The following ZNF280D variants were observed in gnomAD, a reference collection of about 807,000 sequenced individuals.
ZNF280D encodes the protein suppressor of hairy wing homolog 4.
In ZNF280D, 39 loss-of-function variants were observed where a neutral mutation model predicts 94.7. The ratio of observed to expected loss-of-function variants is 0.41; its 90% CI spans 0.32 to 0.54. The LOEUF is 0.54. Among genes scored for constraint, ZNF280D ranks in the 20% least tolerant of loss-of-function variants. The probability of loss-of-function intolerance (pLI) is 0.22; values close to 1 mark genes in which losing one functional copy is unlikely to be tolerated. For missense variants in ZNF280D, 1,090 were observed against 1,149.3 expected (o/e 0.95, Z 0.75); for synonymous variants, 398 against 377.6 (o/e 1.05, Z -0.63).
chr15:56,633,483 T>G (rs989470629), intron 21 of ZNF280D, among the ~76,000 whole-genome samples: 2 of 151,908 alleles, frequency 1.3e-5, no homozygotes, highest in African/African-American at 4.8e-5. Flanking sequence ...AAAAATCTAA[T>G]ATCTTTTTAT....
chr15:56,710,564 T>G (rs1390099736), intron 1 of ZNF280D, among the ~76,000 whole-genome samples: 1 of 152,220 alleles, frequency 6.6e-6, no homozygotes, highest in Admixed American at 6.5e-5. Context: ...ATTCCATTCA[T>G]TTATGGATAC....
chr15:56,638,034 T>C (rs1292395287), intron 20 of ZNF280D, among the ~76,000 whole-genome samples: 6 of 152,168 alleles, frequency 3.9e-5, no homozygotes, highest in Non-Finnish European at 8.8e-5. Flanking sequence ...TTTTAAAGAA[T>C]GACTGTCAAA....
intron 20 of ZNF280D, among the ~76,000 whole-genome samples, chr15:56,638,688 G>T (rs1339376753): frequency 6.6e-6 from 1 of 152,088 alleles, no homozygotes; most frequent in African/African-American, 2.4e-5. Context: ...GAAAAAAAAT[G>T]TGATTTATGT....
intron 20 of ZNF280D, among the ~76,000 whole-genome samples, chr15:56,642,735 A>C (rs1872311620): frequency 2.0e-5 from 3 of 151,786 alleles, no homozygotes; most frequent in Non-Finnish European, 4.4e-5. Flanking sequence ...GTGAAATATA[A>C]GATGTCTTTG....
Position 56,705,395 on chromosome 15 carries a change from C to T in ZNF280D, c.29-1128G>A, listed in dbSNP as rs560875688. On this transcript the variant is annotated intron_variant, in intron 3 of 21. Coordinates refer to ENST00000267807, the MANE Select transcript of ZNF280D (RefSeq NM_017661.4). Reference sequence around the variant, plus strand: ...AGAATATCTTTCCTTCTCAGTTTTACAATCTATGTCACTCCAGTCTGGAGC... The same window carrying T: ...AGAATATCTTTCCTTCTCAGTTTTATAATCTATGTCACTCCAGTCTGGAGC... Among the ~76,000 whole-genome samples the T allele has an allele frequency of 1.8e-4, 28 of 152,262 alleles. No homozygotes were observed. In the South Asian group the frequency reaches 5.6e-3, roughly 30 times the overall value.
At chr15:56,698,700 T>A (rs188208244) in intron 6 of ZNF280D, 3 of 152,206 alleles carry the variant, frequency 2.0e-5, no homozygotes, top group African/African-American at 7.2e-5. Flanking sequence ...TACGTGATTA[T>A]GTTACCTAAG....
intron 16 of ZNF280D, among the ~76,000 whole-genome samples, chr15:56,663,578 C>T (rs2054098641): frequency 6.6e-6 from 1 of 152,108 alleles, no homozygotes; most frequent in African/African-American, 2.4e-5. Flanking sequence ...AAGGGTACCA[C>T]TGAGGTTGAG....
chr15:56,681,518 AT>A (rs1255303283), intron 10 of ZNF280D, among the ~76,000 whole-genome samples: 27 of 152,252 alleles, frequency 1.8e-4, no homozygotes, highest in African/African-American at 6.5e-4. Context: ...ATATCTGAAA[AT>A]TTTTATAGTA....
intron 20 of ZNF280D, among the ~76,000 whole-genome samples, chr15:56,637,362 T>G (rs1232117185): frequency 7.3e-6 from 1 of 136,892 alleles, no homozygotes; most frequent in Non-Finnish European, 1.6e-5. Flanking sequence ...TTTTTTTTTT[T>G]GTAGAGACGA....
chr15:56,719,709 G>A (rs1329392313), intron 1 of ZNF280D, among the ~76,000 whole-genome samples: 1 of 151,894 alleles, frequency 6.6e-6, no homozygotes, highest in East Asian at 1.9e-4. Flanking sequence ...GAGATATTGA[G>A]GGCTCTGTTC....
intron 3 of ZNF280D, among the ~76,000 whole-genome samples, chr15:56,705,870 A>G (rs2057372612): frequency 1.3e-5 from 2 of 151,866 alleles, no homozygotes; most frequent in Non-Finnish European, 2.9e-5. Context: ...TAATCTATGG[A>G]CTAGGCGAAG....
intron 1 of ZNF280D, among the ~76,000 whole-genome samples, chr15:56,712,756 T>TC (rs1491580513): frequency 6.7e-6 from 1 of 149,910 alleles, no homozygotes; most frequent in African/African-American, 2.4e-5. Context: ...TTTTTTTTTT[T>TC]CTGAGGTGGA....
At chr15:56,650,481 C>T (rs1304607166) in intron 19 of ZNF280D, among the ~76,000 whole-genome samples, 7 of 152,094 alleles carry the variant, frequency 4.6e-5, no homozygotes, top group African/African-American at 1.7e-4. Context: ...AATATTTTGA[C>T]TGTCAATGTC....
intron 10 of ZNF280D, among the ~76,000 whole-genome samples, chr15:56,679,338 A>C (rs1365802481): frequency 6.6e-6 from 1 of 152,218 alleles, no homozygotes; most frequent in East Asian, 1.9e-4. Context: ...TTAAATGACA[A>C]ATTACTAGTA....
intron 17 of ZNF280D, among the ~76,000 whole-genome samples, chr15:56,656,558 G>A (rs12591502): frequency 2.6e-5 from 4 of 152,014 alleles, no homozygotes. Flanking sequence ...TATTTCCCTA[G>A]ATTCAGTAAA....
At position 56,666,306 on chromosome 15, in the gene ZNF280D, T is replaced by A. The variant is rs553038044; in HGVS notation, c.1994+89A>T. 195 of 1,402,434 alleles carry A rather than the reference T, an allele frequency of 1.4e-4. 3 individuals carry two copies. The South Asian group carries it at 2.3e-3, about 16-fold the overall frequency. The allele number at this position is 1,402,434 out of a possible 1,614,324, so 86.9% of individuals were successfully genotyped here. ...CTTTTAGCTCCTTGAAGAGAAAAAC[T>A]GGCTTCTAATAGGATAACTTTGTTT... On this transcript the variant is annotated intron_variant, in intron 16 of 21. Coordinates refer to ENST00000267807, the MANE Select transcript of ZNF280D (RefSeq NM_017661.4).
intron 20 of ZNF280D, among the ~76,000 whole-genome samples, chr15:56,636,912 G>A (rs1323561163): frequency 6.6e-6 from 1 of 152,054 alleles, no homozygotes; most frequent in Non-Finnish European, 1.5e-5. Context: ...GAGCCACCGT[G>A]CCCAGCCTAA....
intron 21 of ZNF280D, among the ~76,000 whole-genome samples, chr15:56,632,486 T>C (rs1184751665): frequency 6.9e-6 from 1 of 144,932 alleles, no homozygotes; most frequent in Non-Finnish European, 1.5e-5. Context: ...AAAATCTATA[T>C]TTTTTTATGA....
At chr15:56,712,373 G>A (rs1457744022) in intron 1 of ZNF280D, among the ~76,000 whole-genome samples, 2 of 151,836 alleles carry the variant, frequency 1.3e-5, no homozygotes, top group African/African-American at 4.8e-5. Context: ...GGGCATAGTG[G>A]CTCATGCCTC....
Sources: gnomAD v4.1 joint callset for allele counts (sites outside exome capture counted in the v4.1 genomes callset) on GRCh38, gnomAD v4.1.1 for gene constraint, MANE v1.5 for transcripts, NCBI Gene and HGNC (gene_info 2026-07-23, HGNC 2026-07-21) for gene names.